Variants in SERPINI1 observed in about 807,000 individuals in gnomAD.
The protein encoded by SERPINI1 is serpin family I member 1, also known as neuroserpin.
Under a neutral mutation model 41.1 loss-of-function variants are expected in SERPINI1, and 19 were observed. The ratio of observed to expected loss-of-function variants is 0.46; its 90% CI spans 0.32 to 0.68. The LOEUF (loss-of-function observed/expected upper bound fraction) is 0.68, where lower values mean the gene tolerates loss of function less well. Ranked by LOEUF, SERPINI1 falls within the 30% of genes least tolerant of loss-of-function variation. The pLI is 0.03. For missense variants in SERPINI1, 460 were observed against 479.2 expected (o/e 0.96, Z 0.37); for synonymous variants, 138 against 156.6 (o/e 0.88, Z 0.89).
At chr3:167,817,775 A>G (rs1165082435) in intron 6 of SERPINI1, among the ~76,000 whole-genome samples, 1 of 148,218 alleles carries the variant, frequency 6.7e-6, no homozygotes, top group Non-Finnish European at 1.5e-5. Context: ...TTTTTTTTGT[A>G]TTTTTAGTAG....
chr3:167,742,818 T>TGTG (rs1725722572), intron 1 of SERPINI1, among the ~76,000 whole-genome samples: 1 of 145,000 alleles, frequency 6.9e-6, no homozygotes, highest in East Asian at 2.1e-4. Context: ...TTGTGCCGTT[T>TGTG]TGTGTGTGTG....
intron 1 of SERPINI1, among the ~76,000 whole-genome samples, chr3:167,772,864 C>CTCTCTCTA (rs1374013676): frequency 1.1e-3 from 26 of 24,648 alleles, no homozygotes; most frequent in East Asian, 3.4e-3. Flanking sequence ...CTCTCTCTCT[C>CTCTCTCTA]TATATATATA....
intron 7 of SERPINI1, 56 bp from the exon 8 acceptor site, chr3:167,824,417 A>G (rs1452711415): frequency 1.5e-6 from 2 of 1,302,096 alleles, no homozygotes; most frequent in Non-Finnish European, 2.2e-6. Flanking sequence ...TTGAGGAATT[A>G]CTCATTAGTC....
At chr3:167,785,679 T>C (rs1375650082) in intron 1 of SERPINI1, among the ~76,000 whole-genome samples, 1 of 152,248 alleles carries the variant, frequency 6.6e-6, no homozygotes, top group Admixed American at 6.5e-5. Flanking sequence ...ATTATTATTA[T>C]CATCTCATGG....
chr3:167,778,412 G>T (rs140831408), intron 1 of SERPINI1, among the ~76,000 whole-genome samples: 4 of 152,276 alleles, frequency 2.6e-5, no homozygotes, highest in African/African-American at 9.6e-5. Flanking sequence ...GGATAATTTG[G>T]TGGGCAGGGG....
intron 1 of SERPINI1, among the ~76,000 whole-genome samples, chr3:167,769,183 G>A (rs920878760): frequency 6.6e-6 from 1 of 151,872 alleles, no homozygotes; most frequent in South Asian, 2.1e-4. Flanking sequence ...TAGTAGAAAC[G>A]GGGTTTCACC....
Position 167,789,424 on chromosome 3 carries a change from T to A in SERPINI1, c.250+46T>A, listed in dbSNP as rs1577418622. On this transcript the variant is annotated intron_variant, in intron 2 of 8. Coordinates refer to ENST00000446050, the MANE Select transcript of SERPINI1 (RefSeq NM_001122752.2). ...TTTCTCAAGACTTTTGAATTTGACT[T>A]TGACTCAGTTATGTTGTATTCTTAT... 8.1e-6 allele frequency: 13 copies of A among 1,608,762 alleles called. No homozygotes were observed. The East Asian group carries it at 2.5e-4, about 30-fold the overall frequency.
At chr3:167,816,415 C>G (rs1712092002) in intron 6 of SERPINI1, among the ~76,000 whole-genome samples, 1 of 152,132 alleles carries the variant, frequency 6.6e-6, no homozygotes, top group Admixed American at 6.5e-5. Context: ...TCAGATGACA[C>G]TGAAAGACTT....
intron 7 of SERPINI1, among the ~76,000 whole-genome samples, chr3:167,823,783 G>A (rs570005602): frequency 6.6e-5 from 10 of 152,178 alleles, no homozygotes; most frequent in East Asian, 3.9e-4. Flanking sequence ...AGTATTTTCC[G>A]AAGTAAATAA....
intron 1 of SERPINI1, among the ~76,000 whole-genome samples, chr3:167,776,079 G>C (rs1322525696): frequency 6.6e-6 from 1 of 152,200 alleles, no homozygotes; most frequent in Non-Finnish European, 1.5e-5. Flanking sequence ...GTCTAGGGAA[G>C]AGATCAAACA....
chr3:167,816,742 T>C (rs1043091725), intron 6 of SERPINI1, among the ~76,000 whole-genome samples: 2 of 152,148 alleles, frequency 1.3e-5, no homozygotes, highest in East Asian at 1.9e-4. Flanking sequence ...CAGATCTACT[T>C]TAGTGATTTA....
At chr3:167,770,631 C>T (rs1032335006) in intron 1 of SERPINI1, among the ~76,000 whole-genome samples, 3 of 152,054 alleles carry the variant, frequency 2.0e-5, no homozygotes, top group Non-Finnish European at 2.9e-5. Flanking sequence ...GGAGAACTGA[C>T]ATCTTTTCAA....
intron 3 of SERPINI1, among the ~76,000 whole-genome samples, chr3:167,791,909 G>T (rs1044214786): frequency 2.0e-5 from 3 of 152,198 alleles, no homozygotes; most frequent in African/African-American, 7.2e-5. Flanking sequence ...TGGATCACTT[G>T]AGGCTAGGAG....
chr3:167,743,095 C>A (rs1725732445), intron 1 of SERPINI1, among the ~76,000 whole-genome samples: 1 of 151,950 alleles, frequency 6.6e-6, no homozygotes, highest in Non-Finnish European at 1.5e-5. Context: ...GTAATCTCTC[C>A]ATATAGACTG....
Position 167,790,444 on chromosome 3 carries a change from T to C in SERPINI1, c.323T>C (p.Ile108Thr). ...AAAGAGAGCCAATATGTGATGAAAA[T>C]TGCCAATTCCTTGTTTGTGCAAAAT... ...TAKESQYVMK[I>T]ANSLFVQNGF... The change falls in exon 3 of 9, where the codon ATT becomes ACT. Residue 108 changes from isoleucine (I) to threonine (T), a missense_variant. Physicochemically the swap from Ile to Thr is moderately conservative, Grantham distance 89. Transcript: ENST00000446050. 1 of 1,614,012 alleles carries C rather than the reference T, an allele frequency of 6.2e-7. No homozygotes were observed. Among genetic ancestry groups the C allele is most frequent in the East Asian group, 2.2e-5 (1 of 44,856 alleles).
chr3:167,778,422 G>A (rs1014933223), intron 1 of SERPINI1, among the ~76,000 whole-genome samples: 4 of 152,156 alleles, frequency 2.6e-5, no homozygotes, highest in Admixed American at 2.6e-4. Flanking sequence ...GTGGGCAGGG[G>A]GCTAGGAAAT....
intron 1 of SERPINI1, among the ~76,000 whole-genome samples, chr3:167,770,612 A>G (rs1350856821): frequency 6.6e-6 from 1 of 152,116 alleles, no homozygotes; most frequent in Non-Finnish European, 1.5e-5. Context: ...AATGTTTAGT[A>G]TAATATAGGG....
intron 1 of SERPINI1, among the ~76,000 whole-genome samples, chr3:167,750,746 G>T (rs910379125): frequency 2.6e-5 from 4 of 152,030 alleles, no homozygotes; most frequent in African/African-American, 7.3e-5. Context: ...GTTATTTCAG[G>T]TATCACCACA....
At chr3:167,767,944 A>G (rs759232690) in intron 1 of SERPINI1, among the ~76,000 whole-genome samples, 1 of 152,234 alleles carries the variant, frequency 6.6e-6, no homozygotes, top group Non-Finnish European at 1.5e-5. Context: ...GATGCTGTGA[A>G]CATTGTTGAA....
Sources: allele counts gnomAD v4.1 joint callset (sites outside exome capture counted in the v4.1 genomes callset), GRCh38; gene constraint gnomAD v4.1.1; transcripts MANE v1.5; gene names NCBI Gene and HGNC (gene_info 2026-07-23, HGNC 2026-07-21).